Variants in CABIN1 observed in about 807,000 individuals in gnomAD.
CABIN1 encodes calcineurin-binding protein cabin-1.
In CABIN1, 133 loss-of-function variants were observed where a neutral mutation model predicts 227.7. That is an observed-to-expected ratio of 0.58 (90% CI 0.51 to 0.67). The LOEUF (loss-of-function observed/expected upper bound fraction) is 0.67. Among genes scored for constraint, CABIN1 ranks in the 30% least tolerant of loss-of-function variants. The probability of loss-of-function intolerance (pLI) is 0.00; values close to 1 mark genes in which losing one functional copy is unlikely to be tolerated. For synonymous variants in CABIN1, 1,086 were observed against 1,155.1 expected (o/e 0.94, Z 1.21); for missense variants, 2,408 against 2,852.5 (o/e 0.84, Z 3.55).
At chr22:24,176,296 C>A (rs1276551104) in intron 35 of CABIN1, 21 bp downstream of exon 35, 2 of 1,584,686 alleles carry the variant, frequency 1.3e-6, no homozygotes, top group Non-Finnish European at 1.7e-6. Context: ...TTGGGAGCAG[C>A]CCAGCACCAG....
At chr22:24,111,924 A>T (rs927315772) in intron 26 of CABIN1, among the ~76,000 whole-genome samples, 4 of 152,102 alleles carry the variant, frequency 2.6e-5, no homozygotes, top group Admixed American at 2.6e-4. Flanking sequence ...TTTTATTTCT[A>T]GCCTTTGCAT....
chr22:24,077,291 A>G (rs555613614), intron 19 of CABIN1, among the ~76,000 whole-genome samples: 2 of 152,208 alleles, frequency 1.3e-5, no homozygotes, highest in Admixed American at 1.3e-4. Context: ...CTTTAGAGAG[A>G]GTAGGGGGTT....
chr22:24,136,489 A>G (rs2044408553), intron 29 of CABIN1, among the ~76,000 whole-genome samples: 1 of 142,686 alleles, frequency 7.0e-6, no homozygotes, highest in Non-Finnish European at 1.5e-5. Flanking sequence ...AGCTGGGACT[A>G]CGGGTCCACA....
chr22:24,086,515 C>T (rs2041177116), intron 22 of CABIN1, among the ~76,000 whole-genome samples: 1 of 152,258 alleles, frequency 6.6e-6, no homozygotes, highest in African/African-American at 2.4e-5. Context: ...ATCCTGGGCT[C>T]CAGGCCTTGG....
intron 29 of CABIN1, among the ~76,000 whole-genome samples, chr22:24,162,437 C>T (rs1437068684): frequency 6.6e-6 from 1 of 152,136 alleles, no homozygotes; most frequent in Non-Finnish European, 1.5e-5. Context: ...GAATAGTGCC[C>T]AGTGCAAGGT....
At position 24,166,707 on chromosome 22, in the gene CABIN1, C is replaced by T; in HGVS notation, c.5076C>T (p.His1692=). 1.2e-6 allele frequency: 2 copies of T among 1,612,898 alleles called. No homozygotes were observed. Among genetic ancestry groups the T allele is most frequent in the Non-Finnish European group, 1.7e-6 (2 of 1,180,028 alleles). The part of the protein sequence containing the change: ...PGARMTTDVS[H]KASPEDGQEG... The stretch of plus-strand genomic sequence containing the variant: ...CCAGGATGACCACCGATGTCTCACA[C>T]AAGGCCAGTCCTGAGGATGGCCAGG... Residue 1692 remains histidine, a synonymous_variant, in exon 32 of 37, where the codon CAC becomes CAT. Transcript: ENST00000263119.
rs112065613 is a variant in CABIN1 at position 24,055,867 on chromosome 22, T to G, written c.1094-325T>G. Among the ~76,000 whole-genome samples, 893 of 152,312 alleles carry G rather than the reference T, an allele frequency of 5.9e-3. 3 individuals carry two copies. Among genetic ancestry groups the G allele is most frequent in the Non-Finnish European group, 0.01 (700 of 68,022 alleles). ...GGTCATAGCCACTCACTCTGTCCGT[T>G]CTGGGTAACAGAGTGAGACTCCGAA... On this transcript the variant is annotated intron_variant, in intron 9 of 36. Coordinates refer to ENST00000263119, the MANE Select transcript of CABIN1 (RefSeq NM_012295.4).
chr22:24,121,456 C>T (rs149473209), intron 28 of CABIN1, among the ~76,000 whole-genome samples: 10 of 152,312 alleles, frequency 6.6e-5, no homozygotes, highest in Non-Finnish European at 1.2e-4. Context: ...TGCTAGCAAA[C>T]GATGGCCAGC....
chr22:24,105,442 T>C (rs974334424), intron 26 of CABIN1, among the ~76,000 whole-genome samples: 1 of 152,192 alleles, frequency 6.6e-6, no homozygotes, highest in Admixed American at 6.5e-5. Context: ...AGGTTTTGTG[T>C]GGGCAGATTT....
intron 1 of CABIN1, among the ~76,000 whole-genome samples, chr22:24,033,652 C>G (rs2036659700): frequency 1.3e-5 from 2 of 152,188 alleles, no homozygotes; most frequent in South Asian, 4.1e-4. Context: ...CTCGGGCCAG[C>G]CTCCCAGGTG....
At chr22:24,024,392 T>C (rs1205354226) in intron 1 of CABIN1, among the ~76,000 whole-genome samples, 1 of 152,196 alleles carries the variant, frequency 6.6e-6, no homozygotes, top group South Asian at 2.1e-4. Flanking sequence ...GACATGAAGA[T>C]TTTTCCATAT....
At chr22:24,037,503 CTCT>C (rs1198714457) in intron 3 of CABIN1, among the ~76,000 whole-genome samples, 3 of 151,868 alleles carry the variant, frequency 2.0e-5, no homozygotes, top group Admixed American at 2.0e-4. Flanking sequence ...ACAGGGGTCT[CTCT>C]ATGTGGCCCA....
intron 29 of CABIN1, among the ~76,000 whole-genome samples, chr22:24,154,393 C>T (rs1451956587): frequency 1.3e-5 from 2 of 152,156 alleles, no homozygotes; most frequent in African/African-American, 2.4e-5. Context: ...GTGACTGCAC[C>T]AGTGTCCAGT....
intron 29 of CABIN1, among the ~76,000 whole-genome samples, chr22:24,140,839 C>T (rs759887824): frequency 2.6e-5 from 4 of 152,146 alleles, no homozygotes; most frequent in Non-Finnish European, 5.9e-5. Context: ...CTGTGGCCTC[C>T]CTGAGTGTGG....
rs149745367 is a variant in CABIN1, at chr22:24,087,696, C to T, written c.3508C>T (p.Pro1170Ser). ...QLKQWRGELP[P>S]ELVQQMEGRR... is the part of the protein sequence containing the mutation. ...GAAGCAGTGGAGAGGCGAGCTGCCC[C>T]CTGAGCTCGTGCAGCAGGTGAGGAG... Residue 1170 changes from proline to serine, a missense_variant, in exon 23 of 37, where the codon CCT becomes TCT. Pro to Ser is a moderately conservative substitution (Grantham distance 74, BLOSUM62 -1). This residue lies in a region of CABIN1 where 649 missense variants were observed against 910.3 expected (regional missense o/e 0.71). Transcript: ENST00000263119. The T allele has an allele frequency of 7.4e-6, 12 of 1,613,962 alleles. No individual in the cohort carries two copies. The highest frequency in any genetic ancestry group is 7.6e-6 in the Non-Finnish European group (9 of 1,180,038).
At chr22:24,024,969 G>C (rs2035979713) in intron 1 of CABIN1, among the ~76,000 whole-genome samples, 1 of 152,030 alleles carries the variant, frequency 6.6e-6, no homozygotes, top group Non-Finnish European at 1.5e-5. Context: ...ATTTAGGACA[G>C]TTAATATTTT....
At chr22:24,133,881 C>T (rs528104744) in intron 28 of CABIN1, among the ~76,000 whole-genome samples, 5 of 152,316 alleles carry the variant, frequency 3.3e-5, no homozygotes, top group South Asian at 2.1e-4. Flanking sequence ...TCCAGCCCTC[C>T]GAGCCTAAAG....
At chr22:24,145,416 T>C (rs777891243) in intron 29 of CABIN1, among the ~76,000 whole-genome samples, 10 of 152,144 alleles carry the variant, frequency 6.6e-5, no homozygotes, top group Admixed American at 3.3e-4. Flanking sequence ...GGTAGTGCCA[T>C]TGTCCCTGCC....
chr22:24,170,525 G>A (rs1027917455), intron 33 of CABIN1, among the ~76,000 whole-genome samples: 6 of 152,124 alleles, frequency 3.9e-5, no homozygotes, highest in African/African-American at 1.4e-4. Flanking sequence ...ATTGCCGCAG[G>A]CCCGCAGGGC....
Sources: gnomAD v4.1 joint callset for allele counts (sites outside exome capture counted in the v4.1 genomes callset) on GRCh38, gnomAD v4.1.1 for gene constraint, gnomAD v4.1.1 regional missense constraint, MANE v1.5 for transcripts, NCBI Gene and HGNC (gene_info 2026-07-23, HGNC 2026-07-21) for gene names.